MTUS2: variants seen among roughly 807,000 people sequenced by gnomAD.
The protein encoded by MTUS2 is microtubule-associated tumor suppressor candidate 2.
In MTUS2, 40 loss-of-function variants were observed where a neutral mutation model predicts 114.1. That is an observed-to-expected ratio of 0.35 (90% CI 0.27 to 0.46). The LOEUF is 0.46. MTUS2 is among the 20% of genes least tolerant of loss of function. The pLI, the probability that MTUS2 is intolerant of heterozygous loss-of-function variation, is 1.00. For missense variants in MTUS2, 1,679 were observed against 1,705.4 expected, an observed-to-expected ratio of 0.98 and a Z score of 0.27; for synonymous variants, 688 against 672.0, an observed-to-expected ratio of 1.02 and a Z score of -0.37.
intron 2 of MTUS2, among the ~76,000 whole-genome samples, chr13:28,946,560 T>G (rs1882545423): frequency 6.6e-6 from 1 of 152,232 alleles, no homozygotes; most frequent in South Asian, 2.1e-4. Context: ...TGGGGGTTCC[T>G]ATGATCTTCC....
At chr13:29,201,205 C>T (rs1006625123) in intron 5 of MTUS2, among the ~76,000 whole-genome samples, 1 of 152,098 alleles carries the variant, frequency 6.6e-6, no homozygotes, top group African/African-American at 2.4e-5. Context: ...GTATTGGGTG[C>T]ATATATGTTT....
At chr13:29,154,889 AAAAG>A (rs1400670538) in intron 5 of MTUS2, among the ~76,000 whole-genome samples, 2 of 152,236 alleles carry the variant, frequency 1.3e-5, no homozygotes, top group Admixed American at 6.5e-5. Flanking sequence ...TTACTTCAAA[AAAAG>A]AGAGTAAAGT....
chr13:29,495,051 G>T (rs1882440364), intron 12 of MTUS2, among the ~76,000 whole-genome samples: 1 of 151,816 alleles, frequency 6.6e-6, no homozygotes, highest in Non-Finnish European at 1.5e-5. Flanking sequence ...GGACGTGGTG[G>T]TGCATGCCTG....
chr13:28,924,201 A>G (rs1354957194), intron 2 of MTUS2, among the ~76,000 whole-genome samples: 1 of 152,174 alleles, frequency 6.6e-6, no homozygotes, highest in Non-Finnish European at 1.5e-5. Flanking sequence ...AGTCCTAGGT[A>G]GGTCCCTGAC....
At chr13:29,109,140 G>C (rs1890784352) in intron 5 of MTUS2, among the ~76,000 whole-genome samples, 1 of 152,006 alleles carries the variant, frequency 6.6e-6, no homozygotes, top group Admixed American at 6.6e-5. Context: ...AAAGCTCTTA[G>C]ACAACCGTTC....
chr13:29,355,830 TA>T (rs1425168055), intron 7 of MTUS2, among the ~76,000 whole-genome samples: 1 of 152,202 alleles, frequency 6.6e-6, no homozygotes, highest in Non-Finnish European at 1.5e-5. Flanking sequence ...TTCGGTAGTG[TA>T]CTAGGGCCAG....
chr13:28,899,661 C>T (rs1458132331), intron 2 of MTUS2, among the ~76,000 whole-genome samples: 2 of 152,030 alleles, frequency 1.3e-5, no homozygotes, highest in Non-Finnish European at 2.9e-5. Flanking sequence ...CTGCCCGTCT[C>T]GGCCTCCCAA....
rs529662422 is a variant in MTUS2, at chr13:28,938,380, A to G, written c.-242-86077A>G. Among the ~76,000 whole-genome samples the G allele has an allele frequency of 9.6e-3, 1,113 of 115,596 alleles. 15 individuals are homozygous for G. Among genetic ancestry groups the G allele is most frequent in the African/African-American group, 0.032 (1,036 of 32,224 alleles). The allele number at this position is 115,596 out of a possible 152,430, so 75.8% of individuals were successfully genotyped here. On this transcript the variant is annotated intron_variant, in intron 2 of 15. Transcript: ENST00000612955. ...TGGTGACAGAGTGAGACTCTGTCTC[A>G]AAAAAAAAAAAAATAGTCTTTTTGA... is the stretch of plus-strand genomic sequence containing the variant.
chr13:28,840,217 A>G (rs1044622690), intron 2 of MTUS2, among the ~76,000 whole-genome samples: 1 of 152,194 alleles, frequency 6.6e-6, no homozygotes, highest in Admixed American at 6.5e-5. Flanking sequence ...GGACAGACAT[A>G]GGACATGAGC....
chr13:29,251,412 G>A (rs924804182), intron 5 of MTUS2, among the ~76,000 whole-genome samples: 4 of 152,084 alleles, frequency 2.6e-5, no homozygotes, highest in African/African-American at 9.7e-5. Flanking sequence ...AAAAGTAATT[G>A]CAGTTTTTCA....
intron 5 of MTUS2, among the ~76,000 whole-genome samples, chr13:29,125,559 C>G (rs1393075183): frequency 6.6e-6 from 1 of 152,232 alleles, no homozygotes; most frequent in East Asian, 1.9e-4. Flanking sequence ...TGTGCTGTTT[C>G]TACATGAACG....
At chr13:29,419,957 G>A (rs1250991501) in intron 8 of MTUS2, among the ~76,000 whole-genome samples, 3 of 152,178 alleles carry the variant, frequency 2.0e-5, no homozygotes, top group Non-Finnish European at 2.9e-5. Flanking sequence ...ATCCAATGCT[G>A]ATATTTTGCA....
chr13:29,247,153 A>G (rs1896956701), intron 5 of MTUS2, among the ~76,000 whole-genome samples: 1 of 152,228 alleles, frequency 6.6e-6, no homozygotes, highest in South Asian at 2.1e-4. Flanking sequence ...AAACAAAAAC[A>G]TAAAGTGGGG....
At chr13:29,351,296 G>A (rs1236786213) in intron 7 of MTUS2, among the ~76,000 whole-genome samples, 1 of 152,110 alleles carries the variant, frequency 6.6e-6, no homozygotes, top group African/African-American at 2.4e-5. Context: ...TGGCCTAGGA[G>A]AAGCTTTCTG....
chr13:29,306,491 A>G lies in MTUS2; in HGVS notation c.2807-18122A>G, dbSNP rs552976068. Among the ~76,000 whole-genome samples the G allele has an allele frequency of 1.5e-4, 23 of 152,356 alleles. 1 individual carries two copies. In the South Asian group the frequency reaches 3.1e-3, roughly 21 times the overall value. ...AAATTGCTAGCATTCCTATACACCA[A>G]CAACAGGAAAGCAGAGAGCCAAATT... On this transcript the variant is annotated intron_variant, in intron 6 of 15. Transcript: ENST00000612955.
intron 4 of MTUS2, among the ~76,000 whole-genome samples, chr13:29,048,678 C>G (rs1261874768): frequency 6.6e-6 from 1 of 152,158 alleles, no homozygotes; most frequent in Non-Finnish European, 1.5e-5. Context: ...CTGTATTGCC[C>G]AGGCTGATCT....
Position 28,893,281 on chromosome 13 carries a change from T to C in MTUS2, c.-243+53431T>C, listed in dbSNP as rs188233768. 2.1e-3 allele frequency among the ~76,000 whole-genome samples: 321 copies of C among 152,248 alleles called. 1 individual carries two copies. The highest frequency in any genetic ancestry group is 1.7e-3 in the South Asian group (8 of 4,826). On this transcript the variant is annotated intron_variant, in intron 2 of 15. Transcript: ENST00000612955. Reference sequence around the variant, plus strand: ...TAAGCCAGCTGGGAAGAGGTATTCATGTAGGGAAAGAAAACCAACAAAATC... The same window carrying C: ...TAAGCCAGCTGGGAAGAGGTATTCACGTAGGGAAAGAAAACCAACAAAATC...
intron 5 of MTUS2, among the ~76,000 whole-genome samples, chr13:29,145,557 A>C (rs1248702081): frequency 6.6e-6 from 1 of 152,172 alleles, no homozygotes; most frequent in Non-Finnish European, 1.5e-5. Context: ...TCAACATTAT[A>C]AGACCAAGGC....
At chr13:28,955,058 G>C (rs1882992389) in intron 2 of MTUS2, among the ~76,000 whole-genome samples, 1 of 152,186 alleles carries the variant, frequency 6.6e-6, no homozygotes, top group Non-Finnish European at 1.5e-5. Flanking sequence ...TGAGTAACGA[G>C]ACCAGTTTTC....
Sources: allele counts gnomAD v4.1 joint callset (sites outside exome capture counted in the v4.1 genomes callset), GRCh38; gene constraint gnomAD v4.1.1; transcripts MANE v1.5; gene names NCBI Gene and HGNC (gene_info 2026-07-23, HGNC 2026-07-21).